Variants in LARS2 observed in about 807,000 individuals in gnomAD.
LARS2 encodes leucyl-tRNA synthetase 2, mitochondrial, also known as leucine--tRNA ligase, mitochondrial.
Under a neutral mutation model 116.6 loss-of-function variants are expected in LARS2, and 81 were observed. The ratio of observed to expected loss-of-function variants is 0.69; its 90% CI spans 0.58 to 0.84. LARS2 has a LOEUF of 0.84. Ranked by LOEUF, LARS2 falls within the 40% of genes least tolerant of loss-of-function variation. LARS2 has a pLI of 0.00. For synonymous variants in LARS2, 396 were observed against 407.2 expected (o/e 0.97, Z 0.33); for missense variants, 968 against 1,114.5 (o/e 0.87, Z 1.87).
intron 20 of LARS2, among the ~76,000 whole-genome samples, chr3:45,535,536 A>G (rs962145139): frequency 5.3e-5 from 8 of 152,140 alleles, no homozygotes; most frequent in African/African-American, 9.7e-5. Context: ...CACTAAAGCA[A>G]TCTACCATAT....
Position 45,446,973 on chromosome 3 carries a change from A to G in LARS2, c.599A>G (p.Gln200Arg), listed in dbSNP as rs1206167633. 6.3e-7 allele frequency: 1 copy of G among 1,578,824 alleles called. No individual in the cohort carries two copies. Among genetic ancestry groups the G allele is most frequent in the East Asian group, 2.2e-5 (1 of 44,592 alleles). The change falls in exon 7 of 22, where the codon CAA (glutamine) becomes CGA (arginine). Residue 200 changes from glutamine (Q) to arginine (R), a missense_variant. Physicochemically the swap from Gln to Arg is conservative, Grantham distance 43. Transcript: ENST00000645846. ...IKLYEAGLAY[Q>R]KEALVNWDPV... ...CTGTATGAGGCTGGGCTGGCCTATCAAAAGGAGGTAAGTTAAAATTAGCTG... is the reference window on the plus strand; with the variant it reads ...CTGTATGAGGCTGGGCTGGCCTATCGAAAGGAGGTAAGTTAAAATTAGCTG...
At chr3:45,396,309 C>T (rs1343401202) in intron 3 of LARS2, among the ~76,000 whole-genome samples, 1 of 152,238 alleles carries the variant, frequency 6.6e-6, no homozygotes, top group Non-Finnish European at 1.5e-5. Context: ...AATGCTGGCT[C>T]TGCCCCAGGA....
chr3:45,391,286 C>A (rs943794336), intron 1 of LARS2, among the ~76,000 whole-genome samples: 1 of 151,884 alleles, frequency 6.6e-6, no homozygotes, highest in African/African-American at 2.4e-5. Flanking sequence ...GAGTTAGAGA[C>A]CAGCCTGGCC....
intron 4 of LARS2, among the ~76,000 whole-genome samples, chr3:45,412,778 C>T (rs1231510256): frequency 1.3e-5 from 2 of 152,168 alleles, no homozygotes; most frequent in Admixed American, 6.5e-5. Context: ...CACAGGACTG[C>T]TTGTTCAGTA....
intron 6 of LARS2, among the ~76,000 whole-genome samples, chr3:45,445,896 G>C (rs1699010076): frequency 6.6e-6 from 1 of 152,080 alleles, no homozygotes; most frequent in South Asian, 2.1e-4. Flanking sequence ...TTGCACTTTT[G>C]GTAAAAGTAC....
Position 45,474,460 on chromosome 3 carries a change from G to A in LARS2, c.858+110G>A, listed in dbSNP as rs1699580173. On this transcript the variant is annotated intron_variant, in intron 9 of 21. Transcript: ENST00000645846. ...GACTCCACAGCACCACAGTCCAAAC[G>A]TGTACAATTTTAAATTTTCTAGTAG... 1.8e-5 allele frequency: 9 copies of A among 504,056 alleles called. No homozygotes were observed. The South Asian group carries it at 3.6e-4, about 20-fold the overall frequency. 31.2% of individuals were successfully genotyped at this position (504,056 alleles called of 1,614,324 possible). A position where few individuals can be genotyped will look rare whatever the true frequency, so the allele number is the denominator to read the frequency against.
chr3:45,465,723 T>A (rs1218427294), intron 8 of LARS2, among the ~76,000 whole-genome samples: 1 of 152,166 alleles, frequency 6.6e-6, no homozygotes, highest in Non-Finnish European at 1.5e-5. Context: ...TGTTTCTAAA[T>A]GGTACAGAGA....
chr3:45,477,606 A>C (rs1699637765), intron 10 of LARS2, among the ~76,000 whole-genome samples: 1 of 152,198 alleles, frequency 6.6e-6, no homozygotes, highest in South Asian at 2.1e-4. Flanking sequence ...AGATAAGGGG[A>C]TATGAAGCCT....
chr3:45,429,305 GA>G (rs1316434087), intron 6 of LARS2, among the ~76,000 whole-genome samples: 1 of 152,138 alleles, frequency 6.6e-6, no homozygotes, highest in African/African-American at 2.4e-5. Context: ...GTCCTCTGGG[GA>G]AAAATCCACT....
chr3:45,451,870 A>G (rs535517838), intron 7 of LARS2, among the ~76,000 whole-genome samples: 4 of 152,188 alleles, frequency 2.6e-5, no homozygotes, highest in East Asian at 3.9e-4. Context: ...GTCCTTTTCA[A>G]TTACTATCAT....
chr3:45,438,664 C>A (rs866718621), intron 6 of LARS2, among the ~76,000 whole-genome samples: 59 of 135,632 alleles, frequency 4.4e-4, no homozygotes, highest in Non-Finnish European at 6.9e-4. Flanking sequence ...CTAAAAATAC[C>A]AAAAAAAAAA....
In LARS2 at chr3:45,476,488, C is replaced by T. The variant is rs368510008; in HGVS notation, c.879C>T (p.Gly293=). Residue 293 remains glycine, a synonymous_variant, in exon 10 of 22, where the codon GGC becomes GGT. Coordinates refer to ENST00000645846, the MANE Select transcript of LARS2 (RefSeq NM_015340.4). ...FTLKVHGQAT[G]EKLTAYTATP... is the part of the protein sequence containing the mutation. ...ACCAGGTTCATGGGCAAGCCACGGG[C>T]GAAAAGCTGACTGCCTATACGGCCA... 149 of 1,614,174 alleles carry T rather than the reference C, an allele frequency of 9.2e-5. No individual in the cohort carries two copies. Among genetic ancestry groups the T allele is most frequent in the South Asian group, 6.6e-4 (60 of 91,078 alleles).
chr3:45,459,176 T>G (rs909821305), intron 8 of LARS2, among the ~76,000 whole-genome samples: 2 of 151,968 alleles, frequency 1.3e-5, no homozygotes, highest in African/African-American at 4.8e-5. Flanking sequence ...ATTATATCAG[T>G]GATAAAGCTT....
At chr3:45,427,319 C>A (rs1698611319) in intron 6 of LARS2, among the ~76,000 whole-genome samples, 1 of 152,184 alleles carries the variant, frequency 6.6e-6, no homozygotes, top group Non-Finnish European at 1.5e-5. Flanking sequence ...CAAACTTTGG[C>A]AAGCATCAGA....
At chr3:45,532,863 A>G (rs1453675535) in intron 20 of LARS2, among the ~76,000 whole-genome samples, 3 of 152,102 alleles carry the variant, frequency 2.0e-5, no homozygotes, top group African/African-American at 7.2e-5. Context: ...GCTGGTCTCA[A>G]ACTCCTGACT....
intron 20 of LARS2, among the ~76,000 whole-genome samples, chr3:45,539,695 T>G (rs922942411): frequency 6.6e-6 from 1 of 152,216 alleles, no homozygotes; most frequent in African/African-American, 2.4e-5. Context: ...TTGATTTATT[T>G]ACTACCAATG....
At chr3:45,512,942 T>C (rs188329897) in intron 15 of LARS2, among the ~76,000 whole-genome samples, 193 bp from the exon 16 acceptor site, 9 of 152,290 alleles carry the variant, frequency 5.9e-5, no homozygotes, top group African/African-American at 2.2e-4. Flanking sequence ...ACGCCCAGCC[T>C]GAATTTATTT....
chr3:45,547,195 T>C (rs565320589), intron 21 of LARS2, among the ~76,000 whole-genome samples, 156 bp from the exon 22 acceptor site: 1 of 152,324 alleles, frequency 6.6e-6, no homozygotes, highest in South Asian at 2.1e-4. Flanking sequence ...TTTACCCTTA[T>C]GGGAAGCAGA....
chr3:45,403,372 A>G lies in LARS2; in HGVS notation c.363+2999A>G, dbSNP rs375397186. Among the ~76,000 whole-genome samples the G allele has an allele frequency of 5.7e-4, 87 of 151,810 alleles. 1 individual carries two copies. Among genetic ancestry groups the G allele is most frequent in the African/African-American group, 2.0e-3 (83 of 41,432 alleles). ...GCTCTTGTTGCCCAGGCTGGAGTGC[A>G]ATGGTGCGATCTCAGCTCACTGCAA... On this transcript the variant is annotated intron_variant, in intron 4 of 21. Transcript: ENST00000645846.
Sources: gnomAD v4.1 joint callset for allele counts (sites outside exome capture counted in the v4.1 genomes callset) on GRCh38, gnomAD v4.1.1 for gene constraint, MANE v1.5 for transcripts, NCBI Gene and HGNC (gene_info 2026-07-23, HGNC 2026-07-21) for gene names.